The following HSP90AA1 variants were observed in gnomAD, a reference collection of about 807,000 sequenced individuals.
HSP90AA1 encodes the protein heat shock protein 90 alpha family class A member 1.
A neutral mutation model predicts 73.3 loss-of-function variants in HSP90AA1; 18 were observed. The observed-to-expected ratio is 0.25, with a 90% CI of 0.17 to 0.36. The LOEUF is 0.36. Ranked by LOEUF, HSP90AA1 falls within the 10% of genes least tolerant of loss-of-function variation. The pLI is 1.00. For missense variants in HSP90AA1, 704 were observed against 874.2 expected (o/e 0.81, Z 2.45); for synonymous variants, 477 against 296.9 (o/e 1.61, Z -6.24).
At chr14:102,092,976 C>T (rs945352762) in intron 2 of HSP90AA1, among the ~76,000 whole-genome samples, 5 of 151,972 alleles carry the variant, frequency 3.3e-5, no homozygotes, top group African/African-American at 1.2e-4. Flanking sequence ...AACTCCTGGC[C>T]TCACGTGATC....
intron 1 of HSP90AA1, among the ~76,000 whole-genome samples, chr14:102,133,536 T>C (rs1595682944): frequency 6.9e-6 from 1 of 145,236 alleles, no homozygotes; most frequent in South Asian, 2.2e-4. Flanking sequence ...CAGGCTGGAG[T>C]GCAATGGCGT....
At chr14:102,091,035 T>C (rs1232933815), upstream of HSP90AA1, among the ~76,000 whole-genome samples, 2 of 152,234 alleles carry the variant, frequency 1.3e-5, no homozygotes, top group African/African-American at 4.8e-5. Context: ...ACATGTCTTC[T>C]TCATAGAGTG....
intron 1 of HSP90AA1, among the ~76,000 whole-genome samples, chr14:102,131,137 A>G (rs1002023292): frequency 2.0e-5 from 3 of 152,198 alleles, no homozygotes; most frequent in East Asian, 1.9e-4. Flanking sequence ...TGAATGCCTG[A>G]TATCTCATAC....
At chr14:102,136,430 C>G (rs1190589) in intron 1 of HSP90AA1, among the ~76,000 whole-genome samples, 141,045 of 151,790 alleles carry the variant, frequency 0.93, 65,560 homozygotes, top group East Asian at 1. Flanking sequence ...TTGGCCAGGC[C>G]TGGTGGCACA....
chr14:102,126,525 C>T (rs1034420069), intron 1 of HSP90AA1, among the ~76,000 whole-genome samples: 1 of 147,490 alleles, frequency 6.8e-6, no homozygotes, highest in Non-Finnish European at 1.5e-5. Context: ...CGACTAGATT[C>T]TTTTTTTTTT....
intron 1 of HSP90AA1, among the ~76,000 whole-genome samples, chr14:102,114,059 T>C (rs1286756180): frequency 1.3e-5 from 2 of 152,198 alleles, no homozygotes; most frequent in African/African-American, 2.4e-5. Flanking sequence ...CACTCTGTCA[T>C]GCAGAGTCAT....
intron 1 of HSP90AA1, among the ~76,000 whole-genome samples, chr14:102,121,181 G>T (rs528055268): frequency 1.3e-5 from 2 of 152,084 alleles, no homozygotes; most frequent in East Asian, 3.9e-4. Flanking sequence ...GGATACAGGT[G>T]TGAGCCACCA....
At chr14:102,082,835 T>C (rs1333572246) in intron 9 of HSP90AA1, 199 bp downstream of exon 9, 2 of 621,586 alleles carry the variant, frequency 3.2e-6, no homozygotes, top group South Asian at 1.8e-5. Context: ...TTAGCCAGGA[T>C]GGTCTCGATC....
Position 102,094,443 on chromosome 14 carries a change from G to A in HSP90AA1, c.366+7432C>T, listed in dbSNP as rs148398720. Among the ~76,000 whole-genome samples the A allele has an allele frequency of 1.8e-4, 28 of 152,286 alleles. No individual in the cohort carries two copies. In the East Asian group the frequency reaches 3.7e-3, roughly 20 times the overall value. On this transcript the variant is annotated intron_variant, in intron 2 of 11. Transcript: ENST00000334701. ...TAAAGCCCCCACCACCTAAATATGT[G>A]GACTTAGAAACTCTTGAAGAGTGCT... is the stretch of plus-strand genomic sequence containing the variant.
rs1445468821 is a variant in HSP90AA1, at chr14:102,084,461, T to C, written c.1085A>G (p.Lys362Arg). ...GATGAAAACTCTGCGTACATACAAT[T>C]TGATGTTGTTCTTTTTCTTTCTGTT... ...FENRKKKNNIKLYVRRVFIMD... is the reference protein window; with the variant it reads ...FENRKKKNNIRLYVRRVFIMD... Residue 362 changes from lysine to arginine, a missense_variant, in exon 6 of 11, where the codon AAA becomes AGA. Lys to Arg is a conservative substitution (Grantham distance 26). Transcript: ENST00000216281. 6.2e-7 allele frequency: 1 copy of C among 1,613,420 alleles called. No homozygotes were observed. Among genetic ancestry groups the C allele is most frequent in the South Asian group, 1.1e-5 (1 of 91,062 alleles).
chr14:102,081,886 C>T (rs558453942), intron 10 of HSP90AA1, 65 bp from the exon 11 acceptor site: 37 of 862,666 alleles, frequency 4.3e-5, no homozygotes, highest in Non-Finnish European at 6.9e-5. Flanking sequence ...GGGTAATACT[C>T]TTGGTTTCTA....
intron 2 of HSP90AA1, among the ~76,000 whole-genome samples, chr14:102,097,270 G>A (rs998373636): frequency 5.9e-5 from 9 of 151,302 alleles, no homozygotes; most frequent in African/African-American, 2.2e-4. Context: ...ACAGGTATGA[G>A]CCACCGCGCC....
intron 1 of HSP90AA1, among the ~76,000 whole-genome samples, chr14:102,121,390 A>G (rs1248756536): frequency 2.0e-5 from 3 of 152,190 alleles, no homozygotes; most frequent in African/African-American, 7.2e-5. Context: ...ATCCTTATAC[A>G]CATAATCTTT....
chr14:102,116,437 C>T (rs912369641), intron 1 of HSP90AA1, among the ~76,000 whole-genome samples: 6 of 152,284 alleles, frequency 3.9e-5, no homozygotes, highest in East Asian at 1.9e-4. Context: ...CCAGCCACAG[C>T]GGGGAGGTGC....
At chr14:102,117,258 C>T (rs562170049) in intron 1 of HSP90AA1, among the ~76,000 whole-genome samples, 47 of 152,188 alleles carry the variant, frequency 3.1e-4, no homozygotes, top group African/African-American at 1.1e-3. Flanking sequence ...GGGGTGGGTC[C>T]CCAGTGAAGC....
rs150965023 is a variant in HSP90AA1 at position 102,113,239 on chromosome 14, G to C, written c.156-11154C>G. 4.8e-3 allele frequency among the ~76,000 whole-genome samples: 728 copies of C among 152,110 alleles called. 4 individuals are homozygous for C. Among genetic ancestry groups the C allele is most frequent in the South Asian group, 0.024 (117 of 4,812 alleles). On this transcript the variant is annotated intron_variant, in intron 1 of 11. Coordinates refer to the HSP90AA1 transcript ENST00000334701. ...CGGTTTCACCATGTTGGCCAGGCTG[G>C]TCTCGAACTCCTGACCTCAGGCAAT...
chr14:102,087,027 C>G lies in HSP90AA1; in HGVS notation c.-42G>C, dbSNP rs2273655. On this transcript the variant is annotated 5_prime_UTR_variant, in exon 1 of 11. Transcript: ENST00000216281. ...CACAGGACCAACGGCACAGCCACAC[C>G]GGGACGCTGAAGCAACTGACGCGCC... 4.1e-6 allele frequency: 4 copies of G among 985,274 alleles called. No individual in the cohort carries two copies. The highest frequency in any genetic ancestry group is 1.2e-4 in the Admixed American group (2 of 16,262). 61.0% of individuals were successfully genotyped at this position (985,274 alleles called of 1,614,324 possible).
At chr14:102,085,051 C>T (rs1566720377) in intron 4 of HSP90AA1, 53 bp from the exon 5 acceptor site, 1 of 1,613,072 alleles carries the variant, frequency 6.2e-7, no homozygotes, top group Non-Finnish European at 8.5e-7. Context: ...AACTAAGCGA[C>T]AGCGCTGCAC....
At chr14:102,118,017 C>T (rs1009457098) in intron 1 of HSP90AA1, among the ~76,000 whole-genome samples, 9 of 152,190 alleles carry the variant, frequency 5.9e-5, no homozygotes, top group African/African-American at 2.2e-4. Context: ...CTGCCTGCTC[C>T]ATGGCAGCAG....
Sources: gnomAD v4.1 joint callset for allele counts (sites outside exome capture counted in the v4.1 genomes callset) on GRCh38, gnomAD v4.1.1 for gene constraint, MANE v1.5 for transcripts, NCBI Gene and HGNC (gene_info 2026-07-23, HGNC 2026-07-21) for gene names.